GARNL3: variants seen among roughly 807,000 people sequenced by gnomAD.
GARNL3 encodes GTPase activating Rap/RanGAP domain like 3, also known as GTPase-activating Rap/Ran-GAP domain-like protein 3.
In GARNL3, 63 loss-of-function variants were observed where a neutral mutation model predicts 125.0. That is an observed-to-expected ratio of 0.50 (90% confidence interval 0.41 to 0.62). The LOEUF (loss-of-function observed/expected upper bound fraction) is 0.62. Among genes scored for constraint, GARNL3 ranks in the 20% least tolerant of loss-of-function variants. The pLI is 0.00. For synonymous variants in GARNL3, 439 were observed against 457.5 expected, an observed-to-expected ratio of 0.96 and a Z score of 0.52; for missense variants, 994 against 1,244.0, an observed-to-expected ratio of 0.80 and a Z score of 3.02.
upstream of GARNL3, chr9:127,264,479 C>G: frequency 1.0e-6 from 1 of 987,212 alleles, no homozygotes; most frequent in Non-Finnish European, 1.2e-6. Context: ...GTTTCTTTCT[C>G]TTACTTAAAA....
At chr9:127,245,171 G>GC (rs2063276659) in intron 2 of GARNL3, among the ~76,000 whole-genome samples, 1 of 152,226 alleles carries the variant, frequency 6.6e-6, no homozygotes, top group Non-Finnish European at 1.5e-5. Context: ...AGTGGAGCTG[G>GC]CCCGCTGCCT....
In GARNL3 at chr9:127,341,628, C is replaced by T. The variant is rs112026504; in HGVS notation, c.1136-591C>T. Among the ~76,000 whole-genome samples, 150 of 152,196 alleles carry T rather than the reference C, an allele frequency of 9.9e-4. 1 individual carries two copies. The highest frequency in any genetic ancestry group is 3.5e-3 in the African/African-American group (145 of 41,522). On this transcript the variant is annotated intron_variant, in intron 13 of 27. Coordinates refer to ENST00000373387, the MANE Select transcript of GARNL3 (RefSeq NM_032293.5). ...ATGGGGCTCAGGAAGACAGCATTCA[C>T]TGTAGGGGGCCTGTGGCAAGGAAGG...
At chr9:127,271,666 C>T (rs2063827608) in intron 1 of GARNL3, among the ~76,000 whole-genome samples, 1 of 150,048 alleles carries the variant, frequency 6.7e-6, no homozygotes, top group South Asian at 2.1e-4. Flanking sequence ...TTTTATTGAT[C>T]TTTTTTTGGC....
At chr9:127,318,595 C>T (rs979719924) in intron 5 of GARNL3, among the ~76,000 whole-genome samples, 2 of 152,198 alleles carry the variant, frequency 1.3e-5, no homozygotes, top group Non-Finnish European at 2.9e-5. Context: ...ACTTATTCTT[C>T]GCCAGACAGA....
At chr9:127,331,195 A>G (rs1465648596) in intron 7 of GARNL3, among the ~76,000 whole-genome samples, 2 of 152,214 alleles carry the variant, frequency 1.3e-5, no homozygotes, top group African/African-American at 4.8e-5. Context: ...GAAGACCTAC[A>G]AAACCACTAC....
Position 127,313,508 on chromosome 9 carries a change from C to T in GARNL3, c.387C>T (p.Asp129=). Residue 129 remains aspartate (D), a synonymous_variant, in exon 4 of 28, where the codon GAC becomes GAT. Transcript: ENST00000373387. ...TCTTCTTGTCCGTGACCCTTTCTGACCAAAACAATCAACGTGTCCCTCAAT... is the reference window on the plus strand; with the variant it reads ...TCTTCTTGTCCGTGACCCTTTCTGATCAAAACAATCAACGTGTCCCTCAAT... ...SPFFLSVTLS[D]QNNQRVPQYR... 1 of 1,614,096 alleles carries T rather than the reference C, an allele frequency of 6.2e-7. No individual in the cohort carries two copies. The highest frequency in any genetic ancestry group is 8.5e-7 in the Non-Finnish European group (1 of 1,179,962).
intron 3 of GARNL3, 82 bp from the exon 4 acceptor site, chr9:127,313,358 TG>T: frequency 2.1e-6 from 2 of 938,842 alleles, no homozygotes; most frequent in Non-Finnish European, 3.5e-6. Flanking sequence ...TGGGAAGGGC[TG>T]GACACCACCT....
At chr9:127,293,829 T>C (rs574793450) in intron 2 of GARNL3, among the ~76,000 whole-genome samples, 20 of 152,366 alleles carry the variant, frequency 1.3e-4, no homozygotes, top group African/African-American at 4.3e-4. Context: ...GGAGGACTTA[T>C]GTTTGCTTTT....
At chr9:127,344,137 T>G in intron 14 of GARNL3, 98 bp from the exon 15 acceptor site, 1 of 802,674 alleles carries the variant, frequency 1.2e-6, no homozygotes, top group Non-Finnish European at 2.1e-6. Flanking sequence ...AAGGTAGAAA[T>G]AGGACCATTT....
At chr9:127,297,302 C>T (rs922682534) in intron 2 of GARNL3, among the ~76,000 whole-genome samples, 9 of 151,994 alleles carry the variant, frequency 5.9e-5, no homozygotes, top group African/African-American at 2.2e-4. Context: ...CCACGTCTGG[C>T]TAATATTTGT....
intron 2 of GARNL3, among the ~76,000 whole-genome samples, chr9:127,244,137 G>A (rs2063252604): frequency 6.6e-6 from 1 of 152,198 alleles, no homozygotes; most frequent in Non-Finnish European, 1.5e-5. Flanking sequence ...GTGGATCTGA[G>A]GTGGGTGAAG....
intron 2 of GARNL3, among the ~76,000 whole-genome samples, chr9:127,248,342 A>G (rs569224485): frequency 6.6e-6 from 1 of 152,096 alleles, no homozygotes; most frequent in Admixed American, 6.5e-5. Flanking sequence ...AACACACCCA[A>G]GTCTTCTAGA....
intron 1 of GARNL3, among the ~76,000 whole-genome samples, chr9:127,272,199 GA>G (rs1051714385): frequency 6.7e-6 from 1 of 150,170 alleles, no homozygotes; most frequent in African/African-American, 2.5e-5. Flanking sequence ...GAAGAAAGAT[GA>G]TGCTTTGCTA....
In GARNL3 at chr9:127,313,468, C is replaced by A; in HGVS notation, c.347C>A (p.Ala116Asp). ...CATCAGAACTACATTGGAAACGATGCCGAGAAGAGCCCTTTCTTCTTGTCC... is the reference window on the plus strand; with the variant it reads ...CATCAGAACTACATTGGAAACGATGACGAGAAGAGCCCTTTCTTCTTGTCC... ...QVHQNYIGND[A>D]EKSPFFLSVT... The change falls in exon 4 of 28, where the codon GCC becomes GAC. Residue 116 changes from alanine (A) to aspartate (D), a missense_variant. By Grantham distance (126) the Ala-to-Asp change is moderately radical. Transcript: ENST00000373387. 2.5e-6 allele frequency: 4 copies of A among 1,613,718 alleles called. No homozygotes were observed. The highest frequency in any genetic ancestry group is 3.4e-6 in the Non-Finnish European group (4 of 1,179,608).
chr9:127,323,036 A>G lies in GARNL3; in HGVS notation c.568-2033A>G, dbSNP rs1424992046. On this transcript the variant is annotated intron_variant, in intron 6 of 27. Coordinates refer to ENST00000373387, the MANE Select transcript of GARNL3 (RefSeq NM_032293.5). ...TAGAGCTAAATTTGATTTTTAAAAC[A>G]CTTCTAGGTTTAAAAAGTGTATGTA... 2.0e-5 allele frequency among the ~76,000 whole-genome samples: 3 copies of G among 152,196 alleles called. No homozygotes were observed. The East Asian group carries it at 5.8e-4, about 29-fold the overall frequency.
At chr9:127,353,807 C>A in intron 17 of GARNL3, 39 bp from the exon 18 acceptor site, 2 of 1,361,100 alleles carry the variant, frequency 1.5e-6, no homozygotes, top group Non-Finnish European at 2.1e-6. Context: ...AAAGCGTGGG[C>A]TGGGTTGCAG....
upstream of GARNL3, among the ~76,000 whole-genome samples, chr9:127,261,011 T>G (rs1428807895): frequency 6.6e-6 from 1 of 152,150 alleles, no homozygotes; most frequent in Non-Finnish European, 1.5e-5. Context: ...ATTCCAGCAC[T>G]TTGGGAGGTT....
At chr9:127,341,313 C>G (rs1829848168) in intron 13 of GARNL3, among the ~76,000 whole-genome samples, 1 of 152,212 alleles carries the variant, frequency 6.6e-6, no homozygotes, top group Non-Finnish European at 1.5e-5. Flanking sequence ...GGAGCATGAG[C>G]AAGTGAGGCG....
At chr9:127,313,679 C>A in intron 4 of GARNL3, 120 bp downstream of exon 4, 1 of 753,576 alleles carries the variant, frequency 1.3e-6, no homozygotes, top group Non-Finnish European at 2.4e-6. Context: ...TCTCGTGATT[C>A]ACCTCTGAGA....
Sources: allele counts gnomAD v4.1 joint callset (sites outside exome capture counted in the v4.1 genomes callset), GRCh38; gene constraint gnomAD v4.1.1; transcripts MANE v1.5; gene names NCBI Gene and HGNC (gene_info 2026-07-23, HGNC 2026-07-21).